Variants in DDX60 observed in about 807,000 individuals in gnomAD.
The protein encoded by DDX60 is probable ATP-dependent RNA helicase DDX60.
Under a neutral mutation model 212.8 loss-of-function variants are expected in DDX60, and 165 were observed. That is an observed-to-expected ratio of 0.78 (90% CI 0.68 to 0.88). The LOEUF (loss-of-function observed/expected upper bound fraction) is 0.88. Among genes scored for constraint, DDX60 ranks in the 40% least tolerant of loss-of-function variants. DDX60 has a pLI of 0.00. For synonymous variants in DDX60, 703 were observed against 685.3 expected, an observed-to-expected ratio of 1.03 and a Z score of -0.40; for missense variants, 1,905 against 2,003.9, an observed-to-expected ratio of 0.95 and a Z score of 0.94.
chr4:168,283,349 G>T, intron 13 of DDX60, 97 bp downstream of exon 13: 2 of 981,730 alleles, frequency 2.0e-6, no homozygotes, highest in Non-Finnish European at 3.0e-6. Flanking sequence ...TCAAGAAAAG[G>T]CATTATATAA....
Position 168,293,924 on chromosome 4 carries a change from G to A in DDX60, c.745C>T (p.Leu249Phe), listed in dbSNP as rs1188782514. Residue 249 changes from leucine (L) to phenylalanine (F), a missense_variant, in exon 7 of 38, where the codon CTT (leucine) becomes TTT (phenylalanine). Physicochemically the swap from Leu to Phe is conservative, Grantham distance 22 (BLOSUM62 0). Coordinates refer to ENST00000393743, the MANE Select transcript of DDX60 (RefSeq NM_017631.6). ...GATCCTTCTGGCCAGACTTGTGTAA[G>A]CAGAGATACAGTCTTGTGTGCCTGT... Reference protein sequence around the residue: ...TEEAHKTVSLLTQVWPEGSDI... With the variant: ...TEEAHKTVSLFTQVWPEGSDI... 6.2e-7 allele frequency: 1 copy of A among 1,612,786 alleles called. No individual in the cohort carries two copies. Among genetic ancestry groups the A allele is most frequent in the Non-Finnish European group, 8.5e-7 (1 of 1,179,688 alleles).
chr4:168,286,389 T>TACACACAC (rs71867661), intron 10 of DDX60, among the ~76,000 whole-genome samples: 4,267 of 133,714 alleles, frequency 0.032, 101 homozygotes, highest in Non-Finnish European at 0.047. Flanking sequence ...CTTGATTTTA[T>TACACACAC]ACACACACAC....
chr4:168,316,079 C>T (rs755949313), intron 1 of DDX60, among the ~76,000 whole-genome samples: 27 of 151,970 alleles, frequency 1.8e-4, no homozygotes, highest in Non-Finnish European at 3.2e-4. Flanking sequence ...TTGGGGAAAA[C>T]CCATCAAGAA....
chr4:168,234,097 T>C (rs1278099003), intron 33 of DDX60, among the ~76,000 whole-genome samples: 1 of 152,120 alleles, frequency 6.6e-6, no homozygotes, highest in African/African-American at 2.4e-5. Context: ...AGCATTCTCA[T>C]TGCTTCTTAG....
chr4:168,255,947 C>T, intron 25 of DDX60, 78 bp from the exon 26 acceptor site: 2 of 1,408,058 alleles, frequency 1.4e-6, no homozygotes, highest in Non-Finnish European at 1.9e-6. Context: ...CTACTACTAT[C>T]ATCCCGACAT....
intron 33 of DDX60, among the ~76,000 whole-genome samples, chr4:168,234,380 T>C (rs756133663): frequency 2.2e-4 from 33 of 152,092 alleles, no homozygotes; most frequent in Non-Finnish European, 2.6e-4. Context: ...TTTGTTACGC[T>C]GTCTGATTTT....
chr4:168,270,030 C>T (rs1735022591), intron 19 of DDX60, among the ~76,000 whole-genome samples: 1 of 152,190 alleles, frequency 6.6e-6, no homozygotes, highest in Non-Finnish European at 1.5e-5. Flanking sequence ...TTTGTACCAA[C>T]GTGGGCTGGC....
chr4:168,253,546 C>T (rs537411015), intron 26 of DDX60, among the ~76,000 whole-genome samples: 1 of 152,304 alleles, frequency 6.6e-6, no homozygotes, highest in African/African-American at 2.4e-5. Context: ...CACCCAATGT[C>T]TGAGTGACAT....
At chr4:168,324,359 T>C in the DDX60 span, among the ~76,000 whole-genome samples, 1 of 152,258 alleles carries the variant, frequency 6.6e-6, no homozygotes, top group East Asian at 1.9e-4. Context: ...GGACAAGTTA[T>C]GGCCATCACA....
At chr4:168,259,798 C>T (rs918554997) in intron 25 of DDX60, among the ~76,000 whole-genome samples, 1 of 151,340 alleles carries the variant, frequency 6.6e-6, no homozygotes, top group African/African-American at 2.4e-5. Flanking sequence ...TAAAATTTAG[C>T]AAGATATCAG....
intron 1 of DDX60, among the ~76,000 whole-genome samples, chr4:168,318,059 T>C (rs1737477774): frequency 6.6e-6 from 1 of 152,198 alleles, no homozygotes; most frequent in Non-Finnish European, 1.5e-5. Flanking sequence ...AATAAACTTG[T>C]AATGTTTTAA....
intron 1 of DDX60, among the ~76,000 whole-genome samples, chr4:168,316,594 T>C (rs1441721574): frequency 2.6e-5 from 4 of 152,154 alleles, no homozygotes; most frequent in African/African-American, 9.7e-5. Context: ...CACCATCGCA[T>C]TACCAAAGAG....
chr4:168,276,228 T>C, intron 14 of DDX60, 47 bp from the exon 15 acceptor site: 3 of 1,461,418 alleles, frequency 2.1e-6, no homozygotes, highest in Middle Eastern at 1.8e-4. Context: ...CCATCAAAAA[T>C]AATTCATTTG....
chr4:168,225,602 A>G lies in DDX60; in HGVS notation c.4608T>C (p.Phe1536=), dbSNP rs764718408. The G allele has an allele frequency of 6.8e-6, 11 of 1,611,756 alleles. No individual in the cohort carries two copies. In the East Asian group the frequency reaches 2.0e-4, roughly 30 times the overall value. The change falls in exon 34 of 38, where the codon TTT becomes TTC. Residue 1536 remains phenylalanine (F), a synonymous_variant. Transcript: ENST00000393743. ...TGGAAACAATTCGTAGGAAAGTGGT[A>G]AAGTCCTCCATAATTTTCATGTTAT... ...DEYNMKIMED[F]TTFLRIVSKL...
chr4:168,320,069 C>A (rs375496620), upstream of DDX60, among the ~76,000 whole-genome samples: 11 of 152,250 alleles, frequency 7.2e-5, 1 homozygote, highest in African/African-American at 2.4e-4. Flanking sequence ...CTTAAATCAG[C>A]CAATATTCCT....
intron 30 of DDX60, among the ~76,000 whole-genome samples, chr4:168,244,976 C>CA (rs1487496908): frequency 7.9e-5 from 12 of 151,982 alleles, no homozygotes; most frequent in African/African-American, 2.7e-4. Context: ...AAGCAAATAA[C>CA]AAAGATACAA....
rs770982820 is a variant in DDX60, at chr4:168,225,670, G to C, written c.4540C>G (p.Leu1514Val). 4.3e-6 allele frequency: 7 copies of C among 1,609,356 alleles called. No homozygotes were observed. The East Asian group carries it at 1.6e-4, about 36-fold the overall frequency. The stretch of plus-strand genomic sequence containing the variant: ...CTAAAATCCTCAGGGAGATCATCAA[G>C]GAACACCTAGAAGCCGAATAATTTT... The part of the protein sequence containing the change: ...HFEFYQSKVF[L>V]DDLPEDFSDA... The change falls in exon 34 of 38, where the codon CTT becomes GTT. Residue 1514 changes from leucine to valine, a missense_variant. Transcript: ENST00000393743.
At position 168,287,206 on chromosome 4, in the gene DDX60, A is replaced by G; in HGVS notation, c.1184-3T>C. Reference sequence around the variant, plus strand: ...ATCTCCCAAATTCAAATGTAGGCCTACATAACAATTAAAAACACTAAATAC... The same window carrying G: ...ATCTCCCAAATTCAAATGTAGGCCTGCATAACAATTAAAAACACTAAATAC... On this transcript the variant is annotated splice_region_variant and splice_polypyrimidine_tract_variant and intron_variant, in intron 9 of 37. Coordinates refer to ENST00000393743, the MANE Select transcript of DDX60 (RefSeq NM_017631.6). 1.2e-6 allele frequency: 2 copies of G among 1,601,200 alleles called. No homozygotes were observed. The highest frequency in any genetic ancestry group is 1.7e-6 in the Non-Finnish European group (2 of 1,173,154).
chr4:168,302,395 C>T lies in DDX60; in HGVS notation c.628G>A (p.Ala210Thr), dbSNP rs892376327. The T allele has an allele frequency of 1.3e-6, 2 of 1,555,214 alleles. No individual in the cohort carries two copies. Among genetic ancestry groups the T allele is most frequent in the African/African-American group, 2.8e-5 (2 of 72,566 alleles). ...AACTGGTTAAGCAGGGTTGTATAAG[C>T]ATCTTTAATGTTCTGCTTATTCTGT... ...SWKNKQNIKD[A>T]YTTLLNQLER... The change falls in exon 6 of 38, where the codon GCT (alanine) becomes ACT (threonine). Residue 210 changes from alanine to threonine, a missense_variant. Transcript: ENST00000393743.
Sources: allele counts gnomAD v4.1 joint callset (sites outside exome capture counted in the v4.1 genomes callset), GRCh38; gene constraint gnomAD v4.1.1; transcripts MANE v1.5; gene names NCBI Gene and HGNC (gene_info 2026-07-23, HGNC 2026-07-21).